The following SIPA1L2 variants were observed in gnomAD, a reference collection of about 807,000 sequenced individuals.
The protein encoded by SIPA1L2 is signal-induced proliferation-associated 1-like protein 2.
In SIPA1L2, 56 loss-of-function variants were observed where a neutral mutation model predicts 163.9. That is an observed-to-expected ratio of 0.34 (90% confidence interval 0.28 to 0.43). The LOEUF (loss-of-function observed/expected upper bound fraction) is 0.43. Ranked by LOEUF, SIPA1L2 falls within the 20% of genes least tolerant of loss-of-function variation. The pLI is 1.00. For missense variants in SIPA1L2, 1,974 were observed against 2,193.5 expected, an observed-to-expected ratio of 0.90 and a Z score of 2.00; for synonymous variants, 877 against 865.7, an observed-to-expected ratio of 1.01 and a Z score of -0.23.
At chr1:232,576,678 C>T (rs1660096246) in intron 1 of SIPA1L2, among the ~76,000 whole-genome samples, 1 of 152,214 alleles carries the variant, frequency 6.6e-6, no homozygotes, top group South Asian at 2.1e-4. Flanking sequence ...AAAGCTAAGC[C>T]TCTTGCGCCA....
intron 1 of SIPA1L2, among the ~76,000 whole-genome samples, chr1:232,579,054 A>AG (rs1280688611): frequency 1.3e-5 from 2 of 152,168 alleles, no homozygotes; most frequent in Non-Finnish European, 2.9e-5. Context: ...CACTGCGAGG[A>AG]GGCTCCTCAC....
chr1:232,492,183 A>T (rs925252884), intron 4 of SIPA1L2, among the ~76,000 whole-genome samples: 1 of 152,098 alleles, frequency 6.6e-6, no homozygotes, highest in Admixed American at 6.6e-5. Context: ...AGGGGTACAC[A>T]TGTTCATGCA....
intron 2 of SIPA1L2, among the ~76,000 whole-genome samples, chr1:232,522,831 A>G (rs555218257): frequency 4.1e-4 from 62 of 152,356 alleles, no homozygotes; most frequent in African/African-American, 1.4e-3. Context: ...ATTTGAAATT[A>G]AGCAAATGAA....
In SIPA1L2 at chr1:232,513,938, G is replaced by A. The variant is rs1340893854; in HGVS notation, c.1402C>T (p.His468Tyr). 3 of 1,614,026 alleles carry A rather than the reference G, an allele frequency of 1.9e-6. No homozygotes were observed. Among genetic ancestry groups the A allele is most frequent in the African/African-American group, 2.7e-5 (2 of 74,942 alleles). ...ATGTAGCGCTTCACTTTCTCCCTGT[G>A]AATAGGCTGGTTTTCTCTGGGCACT... ...LEVPRENQPI[H>Y]REKVKRYIIE... The change falls in exon 3 of 23, where the codon CAC becomes TAC. Residue 468 changes from histidine (H) to tyrosine (Y), a missense_variant. By Grantham distance (83) the His-to-Tyr change is moderately conservative (BLOSUM62 2). Transcript: ENST00000674635.
chr1:232,572,684 C>T (rs6682833), intron 2 of SIPA1L2, among the ~76,000 whole-genome samples: 21,540 of 80,110 alleles, frequency 0.27, 3,333 homozygotes, highest in East Asian at 0.58. Flanking sequence ...TATACACACA[C>T]ATATACATAC....
intron 12 of SIPA1L2, among the ~76,000 whole-genome samples, chr1:232,443,195 A>G (rs1212098526): frequency 1.3e-5 from 2 of 152,312 alleles, no homozygotes; most frequent in East Asian, 3.9e-4. Context: ...CGTGGATACT[A>G]TAAAGGGCAG....
chr1:232,627,217 A>G (rs1038472239), intron 1 of SIPA1L2, among the ~76,000 whole-genome samples: 2 of 152,182 alleles, frequency 1.3e-5, no homozygotes, highest in African/African-American at 4.8e-5. Flanking sequence ...GCATTTACCA[A>G]TTATGGTTGG....
intron 2 of SIPA1L2, among the ~76,000 whole-genome samples, chr1:232,563,953 T>TGTGTGTGTGTG (rs1365909072): frequency 3.1e-5 from 4 of 130,094 alleles, no homozygotes; most frequent in African/African-American, 1.4e-4. Flanking sequence ...TGTTTTTTTT[T>TGTGTGTGTGTG]TTCGTGTGTG....
At chr1:232,613,837 A>C (rs1662373401) in intron 1 of SIPA1L2, among the ~76,000 whole-genome samples, 1 of 152,182 alleles carries the variant, frequency 6.6e-6, no homozygotes, top group East Asian at 1.9e-4. Flanking sequence ...CCAGTATCTG[A>C]GCAACAGGAA....
chr1:232,614,339 A>C (rs1662398047), intron 1 of SIPA1L2, among the ~76,000 whole-genome samples: 1 of 152,240 alleles, frequency 6.6e-6, no homozygotes, highest in Non-Finnish European at 1.5e-5. Context: ...ACCATAAATC[A>C]GCAGGCCAGT....
chr1:232,553,543 C>G (rs1428877133), intron 2 of SIPA1L2, among the ~76,000 whole-genome samples: 3 of 152,140 alleles, frequency 2.0e-5, no homozygotes, highest in African/African-American at 7.2e-5. Flanking sequence ...GTCCATATCA[C>G]TATGTGACAC....
intron 2 of SIPA1L2, among the ~76,000 whole-genome samples, chr1:232,541,207 G>A (rs1247488200): frequency 6.6e-6 from 1 of 151,676 alleles, no homozygotes; most frequent in African/African-American, 2.4e-5. Flanking sequence ...GTTTACCTAT[G>A]TAACACACCT....
intron 14 of SIPA1L2, 61 bp from the exon 15 acceptor site, chr1:232,439,557 CCT>C: frequency 6.5e-7 from 1 of 1,549,106 alleles, no homozygotes; most frequent in Non-Finnish European, 8.7e-7. Flanking sequence ...TGCTTCTCAC[CCT>C]GACTCAGGGA....
At chr1:232,614,635 T>C (rs1662412468) in intron 1 of SIPA1L2, among the ~76,000 whole-genome samples, 1 of 152,238 alleles carries the variant, frequency 6.6e-6, no homozygotes, top group African/African-American at 2.4e-5. Flanking sequence ...CATGATTAAG[T>C]TATTGGCAAA....
rs939796735 is a variant in SIPA1L2, at chr1:232,406,884, T to G, written c.4763-2706A>C. Among the ~76,000 whole-genome samples the G allele has an allele frequency of 2.6e-5, 4 of 152,244 alleles. No individual in the cohort carries two copies. The South Asian group carries it at 8.3e-4, about 31-fold the overall frequency. On this transcript the variant is annotated intron_variant, in intron 19 of 22. Coordinates refer to ENST00000674635, the MANE Select transcript of SIPA1L2 (RefSeq NM_020808.5). The stretch of plus-strand genomic sequence containing the variant: ...TAAAGCTGTTCTAATATGTCTTTGT[T>G]AGAACTGCAAACTAAAGACAAAGTA...
In SIPA1L2 at chr1:232,441,359, C is replaced by G; in HGVS notation, c.3574G>C (p.Gly1192Arg). The change falls in exon 14 of 23, where the codon GGT (glycine) becomes CGT (arginine). Residue 1192 changes from glycine (G) to arginine (R), a missense_variant. Gly to Arg is a moderately radical substitution (Grantham distance 125). Transcript: ENST00000674635. ...KWHGPPSKVL[G>R]SYKERALQKD... is the part of the protein sequence containing the mutation. ...TGCAGAGCTCTTTCTTTATAGGAACCCAGGACTTTGGAAGGTGGGCCATGC... is the reference window on the plus strand; with the variant it reads ...TGCAGAGCTCTTTCTTTATAGGAACGCAGGACTTTGGAAGGTGGGCCATGC... The G allele has an allele frequency of 6.3e-7, 1 of 1,597,446 alleles. No homozygotes were observed. Among genetic ancestry groups the G allele is most frequent in the Non-Finnish European group, 8.5e-7 (1 of 1,176,278 alleles).
intron 10 of SIPA1L2, among the ~76,000 whole-genome samples, chr1:232,454,547 A>G (rs983113596): frequency 3.9e-5 from 6 of 152,220 alleles, no homozygotes; most frequent in African/African-American, 7.2e-5. Flanking sequence ...AAGATTCTCA[A>G]TAGCTAGCTA....
intron 3 of SIPA1L2, among the ~76,000 whole-genome samples, chr1:232,495,948 T>TA (rs1364796249): frequency 1.3e-5 from 2 of 152,086 alleles, no homozygotes; most frequent in African/African-American, 4.8e-5. Flanking sequence ...TACAAAAGAG[T>TA]AAAAAAGTTA....
intron 7 of SIPA1L2, among the ~76,000 whole-genome samples, chr1:232,477,210 T>G (rs1665093038): frequency 6.6e-6 from 1 of 152,212 alleles, no homozygotes; most frequent in African/African-American, 2.4e-5. Context: ...TCTCACTTTC[T>G]TAACCATTCA....
Sources: allele counts gnomAD v4.1 joint callset (sites outside exome capture counted in the v4.1 genomes callset), GRCh38; gene constraint gnomAD v4.1.1; transcripts MANE v1.5; gene names NCBI Gene and HGNC (gene_info 2026-07-23, HGNC 2026-07-21).